PTPRD: variants seen among roughly 807,000 people sequenced by gnomAD.
PTPRD encodes the protein receptor-type tyrosine-protein phosphatase delta.
PTPRD carries 34 observed loss-of-function variants against 214.5 expected under a neutral mutation model. The observed-to-expected ratio is 0.16, with a 90% CI of 0.12 to 0.21. PTPRD has a LOEUF of 0.21. Among genes scored for constraint, PTPRD ranks in the 10% least tolerant of loss-of-function variants. The pLI is 1.00. For synonymous variants in PTPRD, 1,128 were observed against 845.7 expected (o/e 1.33, Z -5.79); for missense variants, 2,545 against 2,398.7 (o/e 1.06, Z -1.27).
intron 11 of PTPRD, among the ~76,000 whole-genome samples, chr9:8,936,765 G>C (rs2099000799): frequency 6.6e-6 from 1 of 152,080 alleles, no homozygotes; most frequent in South Asian, 2.1e-4. Flanking sequence ...ACTGGATTTT[G>C]GCTATCATAA....
At chr9:8,439,090 G>T (rs917935271) in intron 34 of PTPRD, among the ~76,000 whole-genome samples, 1 of 152,106 alleles carries the variant, frequency 6.6e-6, no homozygotes, top group Admixed American at 6.5e-5. Context: ...CTTATCATTG[G>T]ATACCATATT....
chr9:8,940,446 C>CTT (rs34288443), intron 11 of PTPRD, among the ~76,000 whole-genome samples: 10 of 95,030 alleles, frequency 1.1e-4, no homozygotes, highest in African/African-American at 2.0e-4. Flanking sequence ...CCACTCCCAG[C>CTT]TTTTTTTTTT....
At chr9:8,888,882 C>T (rs1291688596) in intron 11 of PTPRD, among the ~76,000 whole-genome samples, 1 of 152,134 alleles carries the variant, frequency 6.6e-6, no homozygotes, top group South Asian at 2.1e-4. Flanking sequence ...ACTTGAAGGC[C>T]CAGAGCAGCT....
intron 33 of PTPRD, chr9:8,454,486 T>G: frequency 7.4e-7 from 1 of 1,346,486 alleles, no homozygotes; most frequent in Non-Finnish European, 1.0e-6. Flanking sequence ...ATCTTTTGTG[T>G]GCAGCCCCGC....
At chr9:9,454,809 A>T (rs1182638778) in intron 8 of PTPRD, among the ~76,000 whole-genome samples, 1 of 151,526 alleles carries the variant, frequency 6.6e-6, no homozygotes, top group East Asian at 1.9e-4. Flanking sequence ...AAGACAGGTG[A>T]ATCAGATGTA....
intron 19 of PTPRD, among the ~76,000 whole-genome samples, chr9:8,522,356 A>C (rs556950479): frequency 1.6e-4 from 25 of 152,318 alleles, no homozygotes; most frequent in African/African-American, 5.8e-4. Context: ...ATAACGATTG[A>C]AACACAGGGA....
intron 3 of PTPRD, among the ~76,000 whole-genome samples, chr9:10,208,453 G>A (rs372924741): frequency 6.6e-6 from 1 of 152,220 alleles, no homozygotes; most frequent in Admixed American, 6.5e-5. Flanking sequence ...GGCGGAGCTT[G>A]CAGTGAACGG....
Position 9,169,636 on chromosome 9 carries a change from T to C in PTPRD, c.-143+13668A>G, listed in dbSNP as rs148481783. ...AGGCAGCTTTGTTACTCCTTCTTTC[T>C]GTTTTTGCCAAAGTTAAAAGAGATT... is the stretch of plus-strand genomic sequence containing the variant. On this transcript the variant is annotated intron_variant, in intron 10 of 45. Coordinates refer to ENST00000381196, the MANE Select transcript of PTPRD (RefSeq NM_002839.4). Among the ~76,000 whole-genome samples the C allele has an allele frequency of 1.6e-4, 24 of 152,304 alleles. 1 individual carries two copies. In the East Asian group the frequency reaches 4.1e-3, roughly 26 times the overall value.
At chr9:10,395,479 C>A (rs1424832648) in intron 2 of PTPRD, among the ~76,000 whole-genome samples, 3 of 151,818 alleles carry the variant, frequency 2.0e-5, no homozygotes, top group Non-Finnish European at 4.4e-5. Context: ...TTTCAAAATA[C>A]TATCATTACT....
chr9:9,608,168 A>T (rs2094299860), intron 7 of PTPRD, among the ~76,000 whole-genome samples: 1 of 152,162 alleles, frequency 6.6e-6, no homozygotes, highest in Admixed American at 6.5e-5. Flanking sequence ...CATAAGAATT[A>T]AGTGAATCAC....
At chr9:10,012,711 CAA>C (rs2096626810) in intron 4 of PTPRD, among the ~76,000 whole-genome samples, 3 of 151,832 alleles carry the variant, frequency 2.0e-5, no homozygotes, top group African/African-American at 7.2e-5. Context: ...CTGCAATGCT[CAA>C]TATTTGGGTC....
intron 9 of PTPRD, among the ~76,000 whole-genome samples, chr9:9,304,002 G>T (rs1180862311): frequency 6.6e-6 from 1 of 152,052 alleles, no homozygotes; most frequent in Non-Finnish European, 1.5e-5. Context: ...CTCTCCAACT[G>T]GGCTCAAGGA....
At chr9:10,452,333 G>C (rs149786864) in intron 2 of PTPRD, among the ~76,000 whole-genome samples, 41 of 151,840 alleles carry the variant, frequency 2.7e-4, no homozygotes, top group African/African-American at 8.7e-4. Context: ...CTTTGAATAT[G>C]TGCCTTTAAG....
intron 3 of PTPRD, among the ~76,000 whole-genome samples, chr9:10,316,305 A>G: frequency 6.6e-6 from 1 of 151,706 alleles, no homozygotes; most frequent in Admixed American, 6.6e-5. Context: ...TCTACTATAA[A>G]TGTAAAGGTC....
intron 3 of PTPRD, among the ~76,000 whole-genome samples, chr9:10,170,649 T>C (rs934945572): frequency 2.0e-5 from 3 of 152,274 alleles, no homozygotes; most frequent in Admixed American, 1.3e-4. Context: ...ATCGCACCAC[T>C]GCACTCCAGC....
intron 10 of PTPRD, among the ~76,000 whole-genome samples, chr9:9,035,053 T>A (rs1030095655): frequency 6.6e-6 from 1 of 152,092 alleles, no homozygotes; most frequent in Admixed American, 6.6e-5. Flanking sequence ...GATTCCTAGA[T>A]GGTGAGCTTT....
chr9:9,314,506 C>T (rs371596371), intron 9 of PTPRD, among the ~76,000 whole-genome samples: 90 of 152,232 alleles, frequency 5.9e-4, no homozygotes, highest in Non-Finnish European at 1.0e-3. Flanking sequence ...TTTCATGGCA[C>T]ATGGCCTGGC....
chr9:10,432,298 A>T (rs1263681488), intron 2 of PTPRD, among the ~76,000 whole-genome samples: 2 of 56,766 alleles, frequency 3.5e-5, no homozygotes, highest in Non-Finnish European at 3.2e-5. Flanking sequence ...GGGTGGGGGG[A>T]GGGGGGAGGG....
At chr9:9,199,428 G>A (rs1198306839) in intron 9 of PTPRD, among the ~76,000 whole-genome samples, 2 of 152,114 alleles carry the variant, frequency 1.3e-5, no homozygotes, top group Non-Finnish European at 2.9e-5. Context: ...TCCTTAACCA[G>A]AAAACTCAAA....
Sources: gnomAD v4.1 joint callset for allele counts (sites outside exome capture counted in the v4.1 genomes callset) on GRCh38, gnomAD v4.1.1 for gene constraint, MANE v1.5 for transcripts, NCBI Gene and HGNC (gene_info 2026-07-23, HGNC 2026-07-21) for gene names.